FOXK1: variants seen among roughly 807,000 people sequenced by gnomAD.
The protein encoded by FOXK1 is forkhead box K1.
A neutral mutation model predicts 51.9 loss-of-function variants in FOXK1; 19 were observed. The observed-to-expected ratio is 0.37, with a 90% CI of 0.26 to 0.54. The LOEUF is 0.54. FOXK1 is among the 20% of genes least tolerant of loss of function. FOXK1 has a pLI of 0.87. For synonymous variants in FOXK1, 537 were observed against 482.6 expected (o/e 1.11, Z -1.48); for missense variants, 870 against 1,032.7 (o/e 0.84, Z 2.16).
rs1013497352 is a variant in FOXK1, at chr7:4,690,573, G to A, written c.560+7705G>A. On this transcript the variant is annotated intron_variant, in intron 1 of 8. Transcript: ENST00000328914. The stretch of plus-strand genomic sequence containing the variant: ...CCGCCCATTTAAGAAAACTTACATA[G>A]AATTTTAAAAGTCAGTCTATGAGGA... Among the ~76,000 whole-genome samples the A allele has an allele frequency of 3.3e-5, 5 of 152,240 alleles. No homozygotes were observed. The South Asian group carries it at 6.2e-4, about 19-fold the overall frequency.
chr7:4,702,039 C>T (rs1478092234), intron 1 of FOXK1, among the ~76,000 whole-genome samples: 1 of 152,186 alleles, frequency 6.6e-6, no homozygotes, highest in Non-Finnish European at 1.5e-5. Context: ...TGTACCACTG[C>T]ACTCCAGCCT....
At position 4,707,200 on chromosome 7, in the gene FOXK1, C is replaced by T. The variant is rs1780112729; in HGVS notation, c.560+24332C>T. Reference sequence around the variant, plus strand: ...GCGGTGGACACAGACATTGCCCAAACACTAACGGAGAGGGAAGAGGTGCGG... The same window carrying T: ...GCGGTGGACACAGACATTGCCCAAATACTAACGGAGAGGGAAGAGGTGCGG... On this transcript the variant is annotated intron_variant, in intron 1 of 8. Transcript: ENST00000328914. The surrounding 1 kb of genome is among the most constrained non-coding windows in gnomAD (Gnocchi z 4.1). Among the ~76,000 whole-genome samples, 1 of 152,136 alleles carries T rather than the reference C, an allele frequency of 6.6e-6. No homozygotes were observed. The highest frequency in any genetic ancestry group is 2.1e-4 in the South Asian group (1 of 4,832).
Position 4,759,090 on chromosome 7 carries a change from C to T in FOXK1, c.1284C>T (p.Ser428=), listed in dbSNP as rs753458610. The T allele has an allele frequency of 2.5e-6, 4 of 1,610,138 alleles. No individual in the cohort carries two copies. The highest frequency in any genetic ancestry group is 3.4e-6 in the Non-Finnish European group (4 of 1,179,468). Residue 428 remains serine (S), a synonymous_variant, in exon 6 of 9, where the codon TCC becomes TCT. Coordinates refer to ENST00000328914, the MANE Select transcript of FOXK1 (RefSeq NM_001037165.2). ...PASPTHPGLM[S]PRSGGLQTPE... is the part of the protein sequence containing the mutation. ...CGCCCACACACCCCGGGCTGATGTC[C>T]CCTCGCTCCGGCGGCCTGCAGACCC... is the stretch of plus-strand genomic sequence containing the variant.
Position 4,687,347 on chromosome 7 carries a change from C to G in FOXK1, c.560+4479C>G, listed in dbSNP as rs1779833665. 3.3e-5 allele frequency among the ~76,000 whole-genome samples: 5 copies of G among 151,920 alleles called. 1 individual carries two copies. In the South Asian group the frequency reaches 1.0e-3, roughly 32 times the overall value. On this transcript the variant is annotated intron_variant, in intron 1 of 8. Coordinates refer to ENST00000328914, the MANE Select transcript of FOXK1 (RefSeq NM_001037165.2). ...TCACTCTGTTGCCCGGGCTGGAGTGCAGGGGTGTGATCTCAGCTCACTGAA... is the reference window on the plus strand; with the variant it reads ...TCACTCTGTTGCCCGGGCTGGAGTGGAGGGGTGTGATCTCAGCTCACTGAA...
Position 4,762,295 on chromosome 7 carries a change from C to T in FOXK1, c.2033C>T (p.Ala678Val), listed in dbSNP as rs763448164. Residue 678 changes from alanine to valine, a missense_variant, in exon 9 of 9, where the codon GCC becomes GTC. Coordinates refer to ENST00000328914, the MANE Select transcript of FOXK1 (RefSeq NM_001037165.2). The surrounding 1 kb of genome is among the most constrained non-coding windows in gnomAD (Gnocchi z 5.7). ...AAGGAGCCAGCAGCAGCCGTCGCGGCCACGGCCACCACCACCCCAGCCACT... is the reference window on the plus strand; with the variant it reads ...AAGGAGCCAGCAGCAGCCGTCGCGGTCACGGCCACCACCACCCCAGCCACT... ...GPKEPAAAVA[A>V]TATTTPATAT... is the part of the protein sequence containing the mutation. The T allele has an allele frequency of 2.6e-6, 4 of 1,550,238 alleles. No homozygotes were observed. The South Asian group carries it at 4.8e-5, about 18-fold the overall frequency.
intron 1 of FOXK1, among the ~76,000 whole-genome samples, chr7:4,713,510 T>G (rs945909252): frequency 1.1e-4 from 16 of 152,028 alleles, no homozygotes; most frequent in African/African-American, 3.6e-4. Context: ...GTTTTTTTTT[T>G]GAGGCGGAGT....
intron 1 of FOXK1, among the ~76,000 whole-genome samples, chr7:4,696,230 C>G (rs1048050314): frequency 6.6e-6 from 1 of 151,812 alleles, no homozygotes. Flanking sequence ...AAAGGAAAGA[C>G]GCAAATCATC....
chr7:4,741,884 A>G (rs1376679512), intron 2 of FOXK1, among the ~76,000 whole-genome samples: 1 of 152,220 alleles, frequency 6.6e-6, no homozygotes, highest in Non-Finnish European at 1.5e-5. Context: ...ACCTCAGGCG[A>G]CAGCCTGGAT....
At position 4,748,138 on chromosome 7, in the gene FOXK1, T is replaced by G. The variant is rs1216287126; in HGVS notation, c.747-6321T>G. On this transcript the variant is annotated intron_variant, in intron 2 of 8. Coordinates refer to ENST00000328914, the MANE Select transcript of FOXK1 (RefSeq NM_001037165.2). This position sits in a 1 kb window ranked among gnomAD's most constrained non-coding sequence, Gnocchi z 4.9. The stretch of plus-strand genomic sequence containing the variant: ...TTCCTTTTTCAGATTACGAAGAGAC[T>G]ATCTATCTATCTATATGCATCTTAC... Among the ~76,000 whole-genome samples the G allele has an allele frequency of 2.1e-5, 3 of 144,606 alleles. No homozygotes were observed. The highest frequency in any genetic ancestry group is 1.3e-4 in the Admixed American group (2 of 15,022). The allele number at this position is 144,606 out of a possible 152,430, so 94.9% of individuals were successfully genotyped here.
chr7:4,756,843 T>C lies in FOXK1; in HGVS notation c.1051-151T>C. On this transcript the variant is annotated intron_variant, in intron 4 of 8. Transcript: ENST00000328914. The surrounding 1 kb of genome is among the most constrained non-coding windows in gnomAD (Gnocchi z 4.1). ...GACCTGCCCTGTGCCTCGGTGCTGCTCCCGTGAGGCCCAGCCAGCACAGCA... is the reference window on the plus strand; with the variant it reads ...GACCTGCCCTGTGCCTCGGTGCTGCCCCCGTGAGGCCCAGCCAGCACAGCA... 1.4e-6 allele frequency: 1 copy of C among 719,586 alleles called. No homozygotes were observed. Among genetic ancestry groups the C allele is most frequent in the Non-Finnish European group, 2.2e-6 (1 of 446,574 alleles). The allele number at this position is 719,586 out of a possible 1,614,324, so 44.6% of individuals were successfully genotyped here.
rs146730564 is a variant in FOXK1 at position 4,684,056 on chromosome 7, C to T, written c.560+1188C>T. ...CCTGTCGGTGCCTTTGGTAGCATCC[C>T]GTGGTCACCTCCCGCCCATTCCGGT... On this transcript the variant is annotated intron_variant, in intron 1 of 8. Coordinates refer to ENST00000328914, the MANE Select transcript of FOXK1 (RefSeq NM_001037165.2). 3.6e-3 allele frequency among the ~76,000 whole-genome samples: 547 copies of T among 152,268 alleles called. 2 individuals carry two copies. The highest frequency in any genetic ancestry group is 0.011 in the African/African-American group (463 of 41,554).
In FOXK1 at chr7:4,766,509, T is replaced by A. The variant is rs1781012794; in HGVS notation, c.*4045T>A. On this transcript the variant is annotated 3_prime_UTR_variant, in exon 9 of 9. Transcript: ENST00000328914. The surrounding 1 kb of genome is among the most constrained non-coding windows in gnomAD (Gnocchi z 5.5). ...ATTTGCTGTTTATTTGTATCTCCCTTTTCTTTGATTTAAGAACAATGCCAA... is the reference window on the plus strand; with the variant it reads ...ATTTGCTGTTTATTTGTATCTCCCTATTCTTTGATTTAAGAACAATGCCAA... 6.6e-6 allele frequency: 1 copy of A among 151,888 alleles called. No homozygotes were observed. The highest frequency in any genetic ancestry group is 2.1e-4 in the South Asian group (1 of 4,828). 9.4% of individuals were successfully genotyped at this position (151,888 alleles called of 1,614,324 possible).
At chr7:4,708,136 T>G (rs1003632874) in intron 1 of FOXK1, among the ~76,000 whole-genome samples, 3 of 152,016 alleles carry the variant, frequency 2.0e-5, no homozygotes, top group Non-Finnish European at 2.9e-5. Context: ...CAGGAGTGCT[T>G]GGAATGTGCT....
chr7:4,694,588 C>G (rs1779930434), intron 1 of FOXK1, among the ~76,000 whole-genome samples: 1 of 152,214 alleles, frequency 6.6e-6, no homozygotes, highest in Admixed American at 6.5e-5. Context: ...TGCCCTCTCT[C>G]ACAAATGGAT....
At position 4,711,115 on chromosome 7, in the gene FOXK1, A is replaced by T. The variant is rs971842337; in HGVS notation, c.560+28247A>T. On this transcript the variant is annotated intron_variant, in intron 1 of 8. Coordinates refer to ENST00000328914, the MANE Select transcript of FOXK1 (RefSeq NM_001037165.2). This position sits in a 1 kb window ranked among gnomAD's most constrained non-coding sequence, Gnocchi z 6.3. Reference sequence around the variant, plus strand: ...CTGTGCAGGGCCAAGCTGGGCCTGGATCCTACTTAGTCTCTCTGACTTCTT... The same window carrying T: ...CTGTGCAGGGCCAAGCTGGGCCTGGTTCCTACTTAGTCTCTCTGACTTCTT... 6.6e-6 allele frequency among the ~76,000 whole-genome samples: 1 copy of T among 151,844 alleles called. No individual in the cohort carries two copies. The highest frequency in any genetic ancestry group is 2.4e-5 in the African/African-American group (1 of 41,170).
chr7:4,696,806 G>A (rs143677817), intron 1 of FOXK1, among the ~76,000 whole-genome samples: 92 of 152,308 alleles, frequency 6.0e-4, no homozygotes, highest in African/African-American at 2.1e-3. Flanking sequence ...TGTGGCTCAC[G>A]CCTGTAATCC....
chr7:4,686,917 C>T lies in FOXK1; in HGVS notation c.560+4049C>T, dbSNP rs578064066. ...GTGTGTGTGCTGTCATTCTTGATGC[C>T]ACTTAATTTTTTTTCTTTTCTTTTT... On this transcript the variant is annotated intron_variant, in intron 1 of 8. Coordinates refer to ENST00000328914, the MANE Select transcript of FOXK1 (RefSeq NM_001037165.2). Among the ~76,000 whole-genome samples the T allele has an allele frequency of 2.0e-5, 3 of 151,244 alleles. No individual in the cohort carries two copies. In the South Asian group the frequency reaches 6.3e-4, roughly 32 times the overall value.
rs1779775530 is a variant in FOXK1, at chr7:4,683,192, TG to T, written c.560+328del. Among the ~76,000 whole-genome samples the T allele has an allele frequency of 6.6e-6, 1 of 150,716 alleles. No individual in the cohort carries two copies. The highest frequency in any genetic ancestry group is 2.1e-4 in the South Asian group (1 of 4,750). ...GCCCTGACCCACACCTTGCGGCTCC[TG>T]GGGTCACCCCTGACCTCATCTCCCA... On this transcript the variant is annotated intron_variant, in intron 1 of 8. Transcript: ENST00000328914. The surrounding 1 kb of genome is among the most constrained non-coding windows in gnomAD (Gnocchi z 4.5).
At chr7:4,698,041 C>T (rs1413733918) in intron 1 of FOXK1, among the ~76,000 whole-genome samples, 26 of 151,802 alleles carry the variant, frequency 1.7e-4, no homozygotes, top group Admixed American at 9.2e-4. Context: ...GCCAGGCTGG[C>T]CTTGAACTCC....
Sources: allele counts gnomAD v4.1 joint callset (sites outside exome capture counted in the v4.1 genomes callset), GRCh38; gene constraint gnomAD v4.1.1; non-coding constraint Gnocchi (gnomAD v3.1); transcripts MANE v1.5; gene names NCBI Gene and HGNC (gene_info 2026-07-23, HGNC 2026-07-21).